Variants in KIAA1217 observed in about 807,000 individuals in gnomAD.
The protein encoded by KIAA1217 is KIAA1217, also known as sickle tail protein homolog.
KIAA1217 carries 88 observed loss-of-function variants against 163.9 expected under a neutral mutation model. The observed-to-expected ratio is 0.54, with a 90% confidence interval of 0.45 to 0.64. The LOEUF (loss-of-function observed/expected upper bound fraction) is 0.64, where lower values mean the gene tolerates loss of function less well. Ranked by LOEUF, KIAA1217 falls within the 30% of genes least tolerant of loss-of-function variation. The pLI is 0.00. For synonymous variants in KIAA1217, 903 were observed against 923.1 expected (o/e 0.98, Z 0.39); for missense variants, 2,372 against 2,475.0 (o/e 0.96, Z 0.88).
chr10:24,313,617 G>C (rs1414159425), intron 2 of KIAA1217, among the ~76,000 whole-genome samples: 1 of 152,112 alleles, frequency 6.6e-6, no homozygotes, highest in Non-Finnish European at 1.5e-5. Flanking sequence ...GAGGGGGATG[G>C]TTTTAGATAA....
chr10:23,802,194 CTG>C (rs1263465593), intron 1 of KIAA1217, among the ~76,000 whole-genome samples: 1 of 152,112 alleles, frequency 6.6e-6, no homozygotes, highest in East Asian at 1.9e-4. Flanking sequence ...ATGGGACAGA[CTG>C]GGGCCCTTTC....
intron 2 of KIAA1217, among the ~76,000 whole-genome samples, chr10:24,027,015 G>T (rs1847982560): frequency 6.6e-6 from 1 of 151,608 alleles, no homozygotes; most frequent in African/African-American, 2.4e-5. Flanking sequence ...TTAACCCATA[G>T]GTTATTGAGA....
intron 1 of KIAA1217, among the ~76,000 whole-genome samples, chr10:24,003,047 A>G (rs1426024369): frequency 6.6e-6 from 1 of 152,162 alleles, no homozygotes; most frequent in Non-Finnish European, 1.5e-5. Flanking sequence ...TAATCCATTC[A>G]CTAGGTGATG....
rs949857108 is a variant in KIAA1217 at position 24,173,320 on chromosome 10, C to T, written c.-170-46306C>T. On this transcript the variant is annotated intron_variant, in intron 2 of 18. Coordinates refer to the KIAA1217 transcript ENST00000376462. ...AAGCTCAGGGCTCCCACTGATTCTACGTGATGGTGAGTTGTATAATTTTTC... is the reference window on the plus strand; with the variant it reads ...AAGCTCAGGGCTCCCACTGATTCTATGTGATGGTGAGTTGTATAATTTTTC... 8.6e-5 allele frequency among the ~76,000 whole-genome samples: 13 copies of T among 151,972 alleles called. No homozygotes were observed. In the East Asian group the frequency reaches 9.6e-4, roughly 11 times the overall value.
At chr10:23,838,854 A>C (rs11013741) in intron 1 of KIAA1217, among the ~76,000 whole-genome samples, 1,973 of 152,220 alleles carry the variant, frequency 0.013, 61 homozygotes, top group African/African-American at 0.045. Flanking sequence ...GACTTTCTTA[A>C]ATTCACAAGT....
At chr10:23,941,128 A>G (rs1843746978) in intron 1 of KIAA1217, among the ~76,000 whole-genome samples, 1 of 152,240 alleles carries the variant, frequency 6.6e-6, no homozygotes, top group Non-Finnish European at 1.5e-5. Context: ...CTTTCGAGGC[A>G]GAGACTTCAA....
intron 2 of KIAA1217, among the ~76,000 whole-genome samples, chr10:24,196,865 A>G (rs2130500294): frequency 6.6e-6 from 1 of 152,296 alleles, no homozygotes; most frequent in Middle Eastern, 3.4e-3. Context: ...TCCTGGGCTA[A>G]TAGGGGAAAA....
chr10:24,222,664 C>A (rs1242926096), intron 2 of KIAA1217, among the ~76,000 whole-genome samples: 1 of 152,096 alleles, frequency 6.6e-6, no homozygotes, highest in African/African-American at 2.4e-5. Flanking sequence ...TATGCACCAC[C>A]ACACCCAGCT....
chr10:24,073,817 C>T (rs1469477611), intron 2 of KIAA1217, among the ~76,000 whole-genome samples: 1 of 152,106 alleles, frequency 6.6e-6, no homozygotes. Flanking sequence ...ACTAGAGTGC[C>T]ACAGCACACA....
intron 1 of KIAA1217, among the ~76,000 whole-genome samples, chr10:23,841,251 T>TG (rs1370634249): frequency 6.6e-6 from 1 of 152,100 alleles, no homozygotes; most frequent in Non-Finnish European, 1.5e-5. Flanking sequence ...AACAGAAGCC[T>TG]GCGATGTAAA....
chr10:24,171,081 A>G (rs997071219), intron 2 of KIAA1217, among the ~76,000 whole-genome samples: 1 of 152,244 alleles, frequency 6.6e-6, no homozygotes, highest in African/African-American at 2.4e-5. Flanking sequence ...GGTAGCATCA[A>G]TCTGCCAAGA....
At chr10:23,851,075 C>T (rs1035800246) in intron 1 of KIAA1217, among the ~76,000 whole-genome samples, 1 of 152,052 alleles carries the variant, frequency 6.6e-6, no homozygotes, top group Non-Finnish European at 1.5e-5. Flanking sequence ...AGGTTAGTTA[C>T]ATATGTATAC....
intron 2 of KIAA1217, among the ~76,000 whole-genome samples, chr10:24,227,895 GAC>G: frequency 6.6e-6 from 1 of 152,244 alleles, no homozygotes; most frequent in South Asian, 2.1e-4. Flanking sequence ...TCTCCCATCA[GAC>G]CAGGGCTTTG....
chr10:24,325,647 C>A (rs373713919), intron 2 of KIAA1217, among the ~76,000 whole-genome samples: 2 of 152,242 alleles, frequency 1.3e-5, no homozygotes, highest in African/African-American at 4.8e-5. Context: ...CTATAATAAC[C>A]GATTTGTCTG....
At chr10:23,715,962 G>A (rs16923692) in intron 1 of KIAA1217, among the ~76,000 whole-genome samples, 27,104 of 152,030 alleles carry the variant, frequency 0.18, 2,555 homozygotes, top group Middle Eastern at 0.25. Context: ...GTTAATGGTC[G>A]AATTTTTGCC....
chr10:24,469,256 G>T (rs2063247732), intron 5 of KIAA1217, among the ~76,000 whole-genome samples: 1 of 152,022 alleles, frequency 6.6e-6, no homozygotes, highest in Admixed American at 6.5e-5. Flanking sequence ...CTCCTGAGTA[G>T]CTGGATTACA....
chr10:24,171,428 C>G (rs11013929), intron 2 of KIAA1217, among the ~76,000 whole-genome samples: 43 of 152,220 alleles, frequency 2.8e-4, no homozygotes, highest in Non-Finnish European at 4.4e-4. Flanking sequence ...ATTGGAAGCA[C>G]GTAAAATTTT....
At position 23,809,945 on chromosome 10, in the gene KIAA1217, A is replaced by G. The variant is rs12252538; in HGVS notation, c.-321+114711A>G. 7.0e-3 allele frequency among the ~76,000 whole-genome samples: 1,066 copies of G among 152,116 alleles called. 19 individuals carry two copies. The highest frequency in any genetic ancestry group is 0.025 in the African/African-American group (1,024 of 41,526). On this transcript the variant is annotated intron_variant, in intron 1 of 18. Coordinates refer to the KIAA1217 transcript ENST00000376462. ...GAAACCATACTTCAAGTACCCATAC[A>G]ACCATTCTGTTTTTCACTTTCAGTA...
intron 1 of KIAA1217, among the ~76,000 whole-genome samples, chr10:23,813,448 A>G (rs1837169275): frequency 6.6e-6 from 1 of 151,700 alleles, no homozygotes; most frequent in South Asian, 2.1e-4. Flanking sequence ...TTCTCTCTGT[A>G]ATTATCTATC....
Sources: allele counts gnomAD v4.1 joint callset (sites outside exome capture counted in the v4.1 genomes callset), GRCh38; gene constraint gnomAD v4.1.1; transcripts MANE v1.5; gene names NCBI Gene and HGNC (gene_info 2026-07-23, HGNC 2026-07-21).